Variants in DMD observed in about 807,000 individuals in gnomAD.
DMD encodes mutant dystrophin.
In DMD, 63 loss-of-function variants were observed where a neutral mutation model predicts 330.1. The ratio of observed to expected loss-of-function variants is 0.19; its 90% CI spans 0.16 to 0.24. DMD has a LOEUF of 0.24. Among genes scored for constraint, DMD ranks in the 10% least tolerant of loss-of-function variants. The pLI is 1.00. For synonymous variants in DMD, 1,223 were observed against 959.8 expected, an observed-to-expected ratio of 1.27 and a Z score of -5.07; for missense variants, 3,344 against 2,684.1, an observed-to-expected ratio of 1.25 and a Z score of -5.43.
At chrX:32,955,366 T>C (rs1032030826) in intron 2 of DMD, among the ~76,000 whole-genome samples, 1 of 68,757 alleles carries the variant, frequency 1.5e-5, no homozygotes, top group Non-Finnish European at 2.7e-5. Context: ...TTCATGCCCT[T>C]TGCCCACTTT....
chrX:32,980,092 G>A (rs773562306), intron 2 of DMD, among the ~76,000 whole-genome samples: 4 of 110,389 alleles, frequency 3.6e-5, no homozygotes, highest in Admixed American at 9.7e-5. Context: ...GGGGCCAGGC[G>A]AGGTGGTTCA....
chrX:31,711,302 T>C (rs2084618187), intron 52 of DMD, among the ~76,000 whole-genome samples: 2 of 111,331 alleles, frequency 1.8e-5, no homozygotes, highest in African/African-American at 3.3e-5. Context: ...TTCTCTTTTA[T>C]GTACCCCCTC....
chrX:32,650,563 CTG>C (rs1198244824), intron 9 of DMD, among the ~76,000 whole-genome samples: 1 of 112,026 alleles, frequency 8.9e-6, no homozygotes, highest in African/African-American at 3.2e-5. Flanking sequence ...CACATTTCCG[CTG>C]TGTTTTCTCA....
intron 2 of DMD, among the ~76,000 whole-genome samples, chrX:32,923,861 T>C (rs770843846): frequency 5.4e-5 from 6 of 111,785 alleles, no homozygotes; most frequent in East Asian, 2.8e-4. Flanking sequence ...TAGGAAAAGA[T>C]ACCCAAGACA....
chrX:32,584,431 C>G (rs1187216789), intron 13 of DMD, among the ~76,000 whole-genome samples: 1 of 111,415 alleles, frequency 9.0e-6, no homozygotes, highest in Admixed American at 9.5e-5. Flanking sequence ...AGGTAAATAC[C>G]TAATACAAAA....
chrX:31,762,042 C>G (rs188815608), intron 51 of DMD, among the ~76,000 whole-genome samples: 191 of 112,199 alleles, frequency 1.7e-3, no homozygotes, highest in Middle Eastern at 0.014. Flanking sequence ...TCAGTTAAAA[C>G]ACTCAATCCT....
chrX:32,688,210 TA>T (rs917287611), intron 9 of DMD, among the ~76,000 whole-genome samples: 1 of 110,951 alleles, frequency 9.0e-6, no homozygotes, highest in Non-Finnish European at 1.9e-5. Flanking sequence ...AAACATGACT[TA>T]AATGAGAGCA....
At chrX:31,543,339 T>G (rs1356981919) in intron 55 of DMD, among the ~76,000 whole-genome samples, 1 of 110,033 alleles carries the variant, frequency 9.1e-6, no homozygotes, top group East Asian at 2.9e-4. Flanking sequence ...CCTAGCTATT[T>G]TTTGTATTTT....
intron 51 of DMD, among the ~76,000 whole-genome samples, chrX:31,739,777 T>TA (rs966025546): frequency 2.5e-5 from 2 of 80,941 alleles, no homozygotes; most frequent in African/African-American, 9.0e-5. Context: ...AAAGTAAAAT[T>TA]AAAAAACTAA....
At chrX:31,636,199 G>C (rs2079403505) in intron 54 of DMD, among the ~76,000 whole-genome samples, 1 of 111,083 alleles carries the variant, frequency 9.0e-6, no homozygotes, top group Non-Finnish European at 1.9e-5. Flanking sequence ...GGAGTGGGGA[G>C]GGTGGGAGGA....
At chrX:33,010,234 A>ACATATCTGTGTATATG (rs1569549291) in intron 2 of DMD, among the ~76,000 whole-genome samples, 1 of 96,781 alleles carries the variant, frequency 1.0e-5, no homozygotes, top group Non-Finnish European at 2.1e-5. Flanking sequence ...GTGTGTATAT[A>ACATATCTGTGTATATG]TGTACATATG....
At position 32,995,498 on chromosome X, in the gene DMD, G is replaced by A. The variant is rs182371307; in HGVS notation, c.93+24641C>T. 3.0e-3 allele frequency among the ~76,000 whole-genome samples: 338 copies of A among 111,965 alleles called. 4 individuals carry two copies. The highest frequency in any genetic ancestry group is 0.01 in the African/African-American group (323 of 30,855). On this transcript the variant is annotated intron_variant, in intron 2 of 78. Coordinates refer to ENST00000357033, the MANE Select transcript of DMD (RefSeq NM_004006.3). ...ATCATGCCTGTCACCTTATTCAATA[G>A]AAACAAGATGAGTGTTCTTGGCATT...
intron 42 of DMD, among the ~76,000 whole-genome samples, chrX:32,308,853 G>A (rs943858266): frequency 9.0e-6 from 1 of 110,707 alleles, no homozygotes; most frequent in African/African-American, 3.3e-5. Flanking sequence ...TAGCTCATTG[G>A]CAATAATTTA....
intron 9 of DMD, 58 bp from the exon 10 acceptor site, chrX:32,645,210 T>A: frequency 8.9e-7 from 1 of 1,120,572 alleles, no homozygotes; most frequent in Non-Finnish European, 1.2e-6. Context: ...ATTGTTCCAG[T>A]ACATTAAATG....
At chrX:31,414,086 T>C (rs1172967195) in intron 60 of DMD, among the ~76,000 whole-genome samples, 2 of 111,798 alleles carry the variant, frequency 1.8e-5, no homozygotes, top group African/African-American at 3.3e-5. Flanking sequence ...CAATATCTGC[T>C]CACTGCAACC....
chrX:33,147,678 C>T (rs768941792), intron 1 of DMD, among the ~76,000 whole-genome samples: 12 of 111,230 alleles, frequency 1.1e-4, no homozygotes, highest in Admixed American at 1.9e-4. Flanking sequence ...TTCACTACAC[C>T]TTCTAGGCAT....
At chrX:31,789,476 A>G (rs1028829471) in intron 50 of DMD, among the ~76,000 whole-genome samples, 3 of 111,531 alleles carry the variant, frequency 2.7e-5, no homozygotes, top group Non-Finnish European at 3.8e-5. Context: ...AGTTCTTTTT[A>G]GTAGAGATCA....
rs1280484464 is a variant in DMD at position 31,335,588 on chromosome X, A to G, written c.9164-11930T>C. On this transcript the variant is annotated intron_variant, in intron 61 of 78. Coordinates refer to ENST00000357033, the MANE Select transcript of DMD (RefSeq NM_004006.3). ...TAAGGTAAGAGATTCATGTAATTTT[A>G]TGCTGTCCCCAAAGTCCTTACCTAT... is the stretch of plus-strand genomic sequence containing the variant. Among the ~76,000 whole-genome samples, 3 of 111,897 alleles carry G rather than the reference A, an allele frequency of 2.7e-5. No homozygotes were observed. In the Admixed American group the frequency reaches 2.8e-4, roughly 11 times the overall value.
intron 1 of DMD, among the ~76,000 whole-genome samples, chrX:33,333,479 G>A (rs1319387498): frequency 1.8e-5 from 2 of 110,778 alleles, no homozygotes; most frequent in Non-Finnish European, 3.8e-5. Context: ...CATAGAGACA[G>A]GCATCACAAA....
Sources: gnomAD v4.1 joint callset for allele counts (sites outside exome capture counted in the v4.1 genomes callset) on GRCh38, gnomAD v4.1.1 for gene constraint, MANE v1.5 for transcripts, NCBI Gene and HGNC (gene_info 2026-07-23, HGNC 2026-07-21) for gene names.